DIAPH3: variants seen among roughly 807,000 people sequenced by gnomAD.
DIAPH3 encodes the protein protein diaphanous homolog 3.
Under a neutral mutation model 144.3 loss-of-function variants are expected in DIAPH3, and 117 were observed. The ratio of observed to expected loss-of-function variants is 0.81; its 90% CI spans 0.70 to 0.95. The LOEUF (loss-of-function observed/expected upper bound fraction) is 0.95, where lower values mean the gene tolerates loss of function less well. Ranked by LOEUF, DIAPH3 falls within the 40% of genes least tolerant of loss-of-function variation. DIAPH3 has a pLI of 0.00. For synonymous variants in DIAPH3, 519 were observed against 488.9 expected, an observed-to-expected ratio of 1.06 and a Z score of -0.81; for missense variants, 1,421 against 1,412.7, an observed-to-expected ratio of 1.01 and a Z score of -0.09.
chr13:59,795,455 C>CTT lies in DIAPH3; in HGVS notation c.3163+15331_3163+15332dup, dbSNP rs1233674128. 2.9e-3 allele frequency among the ~76,000 whole-genome samples: 403 copies of CTT among 136,866 alleles called. 4 individuals carry two copies. Among genetic ancestry groups the CTT allele is most frequent in the African/African-American group, 8.7e-3 (327 of 37,422 alleles). 89.8% of individuals were successfully genotyped at this position (136,866 alleles called of 152,430 possible). ...AATTTAGGTATATCATTCTCTCTCT[C>CTT]TTTTTTTTTTTTTTTTTGAGATGGA... On this transcript the variant is annotated intron_variant, in intron 25 of 27. Transcript: ENST00000400324.
intron 27 of DIAPH3, among the ~76,000 whole-genome samples, chr13:59,751,376 C>A (rs564322987): frequency 5.1e-4 from 78 of 152,290 alleles, no homozygotes; most frequent in African/African-American, 1.8e-3. Context: ...TGTTAATAGC[C>A]TGAAACAAAT....
chr13:59,696,782 G>C lies in DIAPH3; in HGVS notation c.3320-29936C>G, dbSNP rs1167426005. Among the ~76,000 whole-genome samples, 4 of 152,112 alleles carry C rather than the reference G, an allele frequency of 2.6e-5. No individual in the cohort carries two copies. In the East Asian group the frequency reaches 7.7e-4, roughly 29 times the overall value. Reference sequence around the variant, plus strand: ...TTTCTTATTTGTATGTGTTAAGTAGGTTCCCGATTTTATGTAAATCATTAA... The same window carrying C: ...TTTCTTATTTGTATGTGTTAAGTAGCTTCCCGATTTTATGTAAATCATTAA... On this transcript the variant is annotated intron_variant, in intron 27 of 27. Transcript: ENST00000400324.
At chr13:59,815,722 CT>C (rs910856445) in intron 24 of DIAPH3, among the ~76,000 whole-genome samples, 1 of 152,090 alleles carries the variant, frequency 6.6e-6, no homozygotes, top group African/African-American at 2.4e-5. Flanking sequence ...TCCCAATGCG[CT>C]GGGATTACAG....
intron 17 of DIAPH3, among the ~76,000 whole-genome samples, chr13:59,958,202 TATA>T (rs1463293583): frequency 3.9e-5 from 6 of 152,184 alleles, no homozygotes; most frequent in South Asian, 2.1e-4. Flanking sequence ...AATATGCAAT[TATA>T]ATAACATATA....
At position 59,983,824 on chromosome 13, in the gene DIAPH3, C is replaced by G. The variant is rs752539574; in HGVS notation, c.1425G>C (p.Met475Ile). The change falls in exon 13 of 28, where the codon ATG becomes ATC. Residue 475 changes from methionine to isoleucine, a missense_variant. Coordinates refer to ENST00000400324, the MANE Select transcript of DIAPH3 (RefSeq NM_001042517.2). ...TTTTTCGATATGTGAAGTCTGGATC[C>G]ATTCCATCTCTATGCAATACAATCT... Reference protein sequence around the residue: ...VSQIVLHRDGMDPDFTYRKRL... With the variant: ...VSQIVLHRDGIDPDFTYRKRL... 16 of 1,610,264 alleles carry G rather than the reference C, an allele frequency of 9.9e-6. No homozygotes were observed. The highest frequency in any genetic ancestry group is 1.7e-4 in the Middle Eastern group (1 of 6,008).
chr13:59,899,195 C>A (rs2046299016), intron 20 of DIAPH3, among the ~76,000 whole-genome samples: 1 of 152,168 alleles, frequency 6.6e-6, no homozygotes, highest in Admixed American at 6.5e-5. Flanking sequence ...GGCTTCCTTG[C>A]TCTTCAGCTT....
chr13:59,742,762 G>A (rs1158808772), intron 27 of DIAPH3, among the ~76,000 whole-genome samples: 1 of 152,116 alleles, frequency 6.6e-6, no homozygotes, highest in Non-Finnish European at 1.5e-5. Context: ...CTTCTACACA[G>A]TAGGTCCTGT....
intron 4 of DIAPH3, among the ~76,000 whole-genome samples, chr13:60,074,310 C>T (rs1167259467): frequency 1.3e-5 from 2 of 152,144 alleles, no homozygotes; most frequent in African/African-American, 4.8e-5. Context: ...ATCTTATTCA[C>T]ATTAACTACC....
intron 12 of DIAPH3, among the ~76,000 whole-genome samples, chr13:59,987,720 A>C (rs1237910763): frequency 6.6e-6 from 1 of 151,398 alleles, no homozygotes; most frequent in Non-Finnish European, 1.5e-5. Flanking sequence ...ATATTAGTTC[A>C]CTTTGGAAAG....
chr13:60,110,272 T>G (rs183017689), intron 3 of DIAPH3, among the ~76,000 whole-genome samples: 1 of 152,334 alleles, frequency 6.6e-6, no homozygotes, highest in African/African-American at 2.4e-5. Flanking sequence ...AGATGCAAAC[T>G]TTAAATAGTA....
At position 59,949,459 on chromosome 13, in the gene DIAPH3, G is replaced by T. The variant is rs1318474959; in HGVS notation, c.2074+20485C>A. On this transcript the variant is annotated intron_variant, in intron 17 of 27. Transcript: ENST00000400324. ...AAGGAAATCACATCACCTGCAATGG[G>T]ATCTACTATAATTTAATAATATAAT... Among the ~76,000 whole-genome samples the T allele has an allele frequency of 3.9e-5, 6 of 152,234 alleles. No individual in the cohort carries two copies. In the South Asian group the frequency reaches 1.2e-3, roughly 32 times the overall value.
At chr13:59,956,597 T>C (rs1227069078) in intron 17 of DIAPH3, among the ~76,000 whole-genome samples, 1 of 152,220 alleles carries the variant, frequency 6.6e-6, no homozygotes. Flanking sequence ...GCTAGGGCAG[T>C]GTGGAAGGGA....
intron 20 of DIAPH3, among the ~76,000 whole-genome samples, chr13:59,906,796 G>C (rs995169962): frequency 1.3e-5 from 2 of 152,166 alleles, no homozygotes; most frequent in Non-Finnish European, 2.9e-5. Flanking sequence ...AGTACACCAA[G>C]CTTCAACTGC....
chr13:59,784,147 A>G (rs1262827836), intron 25 of DIAPH3, among the ~76,000 whole-genome samples: 1 of 152,080 alleles, frequency 6.6e-6, no homozygotes, highest in Non-Finnish European at 1.5e-5. Context: ...CAGTGGCGCG[A>G]TCTCGGCTCA....
intron 2 of DIAPH3, among the ~76,000 whole-genome samples, chr13:60,126,765 A>G (rs1358999483): frequency 6.6e-6 from 1 of 152,202 alleles, no homozygotes; most frequent in Non-Finnish European, 1.5e-5. Context: ...AAACCCCTAA[A>G]TATTTGGAAG....
intron 18 of DIAPH3, among the ~76,000 whole-genome samples, chr13:59,918,654 A>C (rs576571996): frequency 5.3e-5 from 8 of 152,154 alleles, no homozygotes; most frequent in Admixed American, 2.0e-4. Flanking sequence ...CACTGCACCA[A>C]CAACAGCAAC....
At chr13:59,670,722 A>G (rs557932856) in intron 27 of DIAPH3, among the ~76,000 whole-genome samples, 154 of 151,706 alleles carry the variant, frequency 1.0e-3, no homozygotes, top group African/African-American at 3.6e-3. Flanking sequence ...AGCTGGGACT[A>G]CAGGCGCCCG....
At position 59,950,099 on chromosome 13, in the gene DIAPH3, T is replaced by C. The variant is rs571589631; in HGVS notation, c.2074+19845A>G. 2.9e-3 allele frequency among the ~76,000 whole-genome samples: 447 copies of C among 151,774 alleles called. 1 individual carries two copies. Among genetic ancestry groups the C allele is most frequent in the Non-Finnish European group, 5.1e-3 (348 of 67,962 alleles). ...TCATGCTAAAACATAGATTATAATA[T>C]GTTATGTCTCCATTTAAAACTTTGT... On this transcript the variant is annotated intron_variant, in intron 17 of 27. Transcript: ENST00000400324.
chr13:59,861,656 T>C (rs1024523685), intron 21 of DIAPH3, 120 bp from the exon 22 acceptor site: 5 of 1,145,462 alleles, frequency 4.4e-6, no homozygotes, highest in Non-Finnish European at 6.2e-6. Flanking sequence ...AATTAGTTGA[T>C]TTCGTTTTTG....
Sources: gnomAD v4.1 joint callset for allele counts (sites outside exome capture counted in the v4.1 genomes callset) on GRCh38, gnomAD v4.1.1 for gene constraint, MANE v1.5 for transcripts, NCBI Gene and HGNC (gene_info 2026-07-23, HGNC 2026-07-21) for gene names.